The following MON1B variants were observed in gnomAD, a reference collection of about 807,000 sequenced individuals.
MON1B encodes the protein vacuolar fusion protein MON1 homolog B.
A neutral mutation model predicts 45.1 loss-of-function variants in MON1B; 26 were observed. The ratio of observed to expected loss-of-function variants is 0.58; its 90% CI spans 0.42 to 0.80. The LOEUF is 0.80. Ranked by LOEUF, MON1B falls within the 30% of genes least tolerant of loss-of-function variation. The pLI is 0.00. For synonymous variants in MON1B, 395 were observed against 320.2 expected (o/e 1.23, Z -2.49); for missense variants, 737 against 754.5 (o/e 0.98, Z 0.27).
At position 77,194,991 on chromosome 16, in the gene MON1B, G is replaced by T; in HGVS notation, c.1132G>T (p.Gly378Cys). ...RLVEDGMHAL[G>C]AMRALGEAAS... is the part of the protein sequence containing the mutation. ...GGTTGAAGATGGGATGCATGCCCTTGGTGCCATGCGTGCCCTTGGGGAGGC... is the reference window on the plus strand; with the variant it reads ...GGTTGAAGATGGGATGCATGCCCTTTGTGCCATGCGTGCCCTTGGGGAGGC... The change falls in exon 4 of 6, where the codon GGT (glycine) becomes TGT (cysteine). Residue 378 changes from glycine to cysteine, a missense_variant. By Grantham distance (159) the Gly-to-Cys change is radical. Coordinates refer to ENST00000248248, the MANE Select transcript of MON1B (RefSeq NM_014940.4). This position sits in a 1 kb window ranked among gnomAD's most constrained non-coding sequence, Gnocchi z 8.1. The T allele has an allele frequency of 6.2e-7, 1 of 1,613,642 alleles. No homozygotes were observed. Among genetic ancestry groups the T allele is most frequent in the Non-Finnish European group, 8.5e-7 (1 of 1,179,872 alleles).
chr16:77,192,377 A>G (rs1214866295), intron 2 of MON1B, among the ~76,000 whole-genome samples: 13 of 152,218 alleles, frequency 8.5e-5, no homozygotes. Flanking sequence ...AGAATATGCA[A>G]TTATTGGGAT....
Position 77,201,245 on chromosome 16 carries a change from A to G in MON1B, c.*2937A>G, listed in dbSNP as rs929896777. The G allele has an allele frequency of 6.6e-6, 1 of 152,222 alleles. No individual in the cohort carries two copies. Among genetic ancestry groups the G allele is most frequent in the African/African-American group, 2.4e-5 (1 of 41,458 alleles). The allele number at this position is 152,222 out of a possible 1,614,324, so 9.4% of individuals were successfully genotyped here. ...CATACTAAGTGCCAGCATTCAACAA[A>G]AGACAGACGGAAATAAGACAGATGC... On this transcript the variant is annotated 3_prime_UTR_variant, in exon 6 of 6. Coordinates refer to ENST00000248248, the MANE Select transcript of MON1B (RefSeq NM_014940.4).
chr16:77,195,026 C>T lies in MON1B; in HGVS notation c.1167C>T (p.Phe389=), dbSNP rs776648131. 4 of 1,612,514 alleles carry T rather than the reference C, an allele frequency of 2.5e-6. No individual in the cohort carries two copies. Among genetic ancestry groups the T allele is most frequent in the Middle Eastern group, 1.6e-4 (1 of 6,084 alleles). The change falls in exon 4 of 6, where the codon TTC becomes TTT. Residue 389 remains phenylalanine, a synonymous_variant. Transcript: ENST00000248248. ...GTGCCCTTGGGGAGGCTGCCAGCTTCTCTAATGCCTCATCAGCCAGTGCTC... is the reference window on the plus strand; with the variant it reads ...GTGCCCTTGGGGAGGCTGCCAGCTTTTCTAATGCCTCATCAGCCAGTGCTC... ...AMRALGEAAS[F]SNASSASAPA...
rs1597374789 is a variant in MON1B, at chr16:77,193,269, G to C, written c.149-182G>C. ...GAAGTTCATTGGAACCTAAATGTTA[G>C]TGGAGATCATTGCGGGGTCCTAGGG... On this transcript the variant is annotated intron_variant, in intron 2 of 5. Transcript: ENST00000248248. The surrounding 1 kb of genome is among the most constrained non-coding windows in gnomAD (Gnocchi z 5.0). 6.6e-6 allele frequency among the ~76,000 whole-genome samples: 1 copy of C among 152,132 alleles called. No individual in the cohort carries two copies. Among genetic ancestry groups the C allele is most frequent in the African/African-American group, 2.4e-5 (1 of 41,412 alleles).
At position 77,194,933 on chromosome 16, in the gene MON1B, A is replaced by T. The variant is rs747680008; in HGVS notation, c.1074A>T (p.Glu358Asp). ...VCLLLLGTQR[E>D]AFHAMAACRR... ...TGCTGCTGCTTGGCACCCAACGTGAAGCCTTCCATGCCATGGCCGCCTGCC... is the reference window on the plus strand; with the variant it reads ...TGCTGCTGCTTGGCACCCAACGTGATGCCTTCCATGCCATGGCCGCCTGCC... Residue 358 changes from glutamate to aspartate, a missense_variant, in exon 4 of 6, where the codon GAA (glutamate) becomes GAT (aspartate). Physicochemically the swap from Glu to Asp is conservative, Grantham distance 45 (BLOSUM62 2). Coordinates refer to ENST00000248248, the MANE Select transcript of MON1B (RefSeq NM_014940.4). This position sits in a 1 kb window ranked among gnomAD's most constrained non-coding sequence, Gnocchi z 8.1. 14 of 1,613,664 alleles carry T rather than the reference A, an allele frequency of 8.7e-6. No homozygotes were observed. Among genetic ancestry groups the T allele is most frequent in the Non-Finnish European group, 1.2e-5 (14 of 1,179,918 alleles).
In MON1B at chr16:77,201,530, A is replaced by G. The variant is rs1323412746; in HGVS notation, c.*3222A>G. On this transcript the variant is annotated 3_prime_UTR_variant, in exon 6 of 6. Transcript: ENST00000248248. The stretch of plus-strand genomic sequence containing the variant: ...AGGGAAGAGAGCTGACTCAAAGTAA[A>G]GGCTTTGCTAGAGGCAGTCGGCAGA... 3.3e-5 allele frequency: 5 copies of G among 152,200 alleles called. No homozygotes were observed. Among genetic ancestry groups the G allele is most frequent in the Non-Finnish European group, 5.9e-5 (4 of 68,040 alleles). The allele number at this position is 152,200 out of a possible 1,614,324, so 9.4% of individuals were successfully genotyped here. A position where few individuals can be genotyped will look rare whatever the true frequency, so the allele number is the denominator to read the frequency against.
At position 77,195,678 on chromosome 16, in the gene MON1B, C is replaced by A; in HGVS notation, c.1439C>A (p.Ala480Asp). 1 of 1,614,082 alleles carries A rather than the reference C, an allele frequency of 6.2e-7. No homozygotes were observed. Among genetic ancestry groups the A allele is most frequent in the Non-Finnish European group, 8.5e-7 (1 of 1,179,966 alleles). ...GTGGCTGAGAAGGAGACACTACTGG[C>A]CTGGGTAAGTTGGGCAGGGCTCTGA... Reference protein sequence around the residue: ...YHVAEKETLLAWVTSKFELYT... With the variant: ...YHVAEKETLLDWVTSKFELYT... The change falls in exon 5 of 6, where the codon GCC becomes GAC. Residue 480 changes from alanine (A) to aspartate (D), a missense_variant. Coordinates refer to ENST00000248248, the MANE Select transcript of MON1B (RefSeq NM_014940.4).
In MON1B at chr16:77,198,347, C is replaced by A. The variant is rs371690150; in HGVS notation, c.*39C>A. The A allele has an allele frequency of 9.2e-5, 146 of 1,586,840 alleles. 3 individuals carry two copies. The Middle Eastern group carries it at 5.0e-3, about 54-fold the overall frequency. On this transcript the variant is annotated 3_prime_UTR_variant, in exon 6 of 6. Coordinates refer to ENST00000248248, the MANE Select transcript of MON1B (RefSeq NM_014940.4). ...CAGACCAGGCAGTGCTGGGAGCAAC[C>A]ACCTTTGTTTTTTACCTTCTGTCTA...
chr16:77,193,493 C>G lies in MON1B; in HGVS notation c.191C>G (p.Pro64Arg), dbSNP rs560508471. 6.3e-7 allele frequency: 1 copy of G among 1,598,324 alleles called. No individual in the cohort carries two copies. The highest frequency in any genetic ancestry group is 2.2e-5 in the East Asian group (1 of 44,678). ...CAGCCACCCAGCCCATCACCACCGCCCCAGTCAGAGGCCCTGTCAAGCACC... is the reference window on the plus strand; with the variant it reads ...CAGCCACCCAGCCCATCACCACCGCGCCAGTCAGAGGCCCTGTCAAGCACC... ...KDQPPSPSPPPQSEALSSTSR... is the reference protein window; with the variant it reads ...KDQPPSPSPPRQSEALSSTSR... Residue 64 changes from proline (P) to arginine (R), a missense_variant, in exon 3 of 6, where the codon CCC becomes CGC. Pro to Arg is a moderately radical substitution (Grantham distance 103). Transcript: ENST00000248248. This position sits in a 1 kb window ranked among gnomAD's most constrained non-coding sequence, Gnocchi z 5.0.
At position 77,194,465 on chromosome 16, in the gene MON1B, A is replaced by C. The variant is rs2054643576; in HGVS notation, c.606A>C (p.Thr202=). The change falls in exon 4 of 6, where the codon ACA becomes ACC. Residue 202 remains threonine (T), a synonymous_variant. Transcript: ENST00000248248. This position sits in a 1 kb window ranked among gnomAD's most constrained non-coding sequence, Gnocchi z 8.1. Reference sequence around the variant, plus strand: ...ACGCACAGATCGTGAGCACACTTACACGTGCAAGTGTCGCCCGCATCTTCG... The same window carrying C: ...ACGCACAGATCGTGAGCACACTTACCCGTGCAAGTGTCGCCCGCATCTTCG... ...AVHAQIVSTL[T]RASVARIFAH... is the part of the protein sequence containing the mutation. 6.2e-7 allele frequency: 1 copy of C among 1,614,046 alleles called. No homozygotes were observed. The highest frequency in any genetic ancestry group is 8.5e-7 in the Non-Finnish European group (1 of 1,179,994).
intron 5 of MON1B, among the ~76,000 whole-genome samples, chr16:77,197,117 T>C (rs1043050786): frequency 1.6e-4 from 24 of 152,160 alleles, no homozygotes; most frequent in African/African-American, 5.6e-4. Flanking sequence ...CTCACGCCTA[T>C]AATCCCAGCA....
Position 77,200,256 on chromosome 16 carries a change from G to GTGTATA in MON1B, c.*1949_*1950insGTATAT, listed in dbSNP as rs1555502396. 2.4e-5 allele frequency: 2 copies of GTGTATA among 83,616 alleles called. No individual in the cohort carries two copies. Among genetic ancestry groups the GTGTATA allele is most frequent in the Non-Finnish European group, 2.8e-5 (1 of 35,392 alleles). The allele number at this position is 83,616 out of a possible 1,614,324, so 5.2% of individuals were successfully genotyped here. ...TGTATATATATATATATGTATATGT[G>GTGTATA]TATATATATATATATGTGTATATAT... On this transcript the variant is annotated 3_prime_UTR_variant, in exon 6 of 6. Coordinates refer to ENST00000248248, the MANE Select transcript of MON1B (RefSeq NM_014940.4).
rs2054745674 is a variant in MON1B, at chr16:77,201,751, T to C, written c.*3443T>C. ...GGAGTGTCTCTGTGGTGGATTTCTT[T>C]TTAAGAGGCAGAAAAAAATTCTAAT... On this transcript the variant is annotated 3_prime_UTR_variant, in exon 6 of 6. Transcript: ENST00000248248. 2 of 152,156 alleles carry C rather than the reference T, an allele frequency of 1.3e-5. No homozygotes were observed. The allele number at this position is 152,156 out of a possible 1,614,324, so 9.4% of individuals were successfully genotyped here. A position where few individuals can be genotyped will look rare whatever the true frequency, so the allele number is the denominator to read the frequency against.
Position 77,199,554 on chromosome 16 carries a change from G to A in MON1B, c.*1246G>A. On this transcript the variant is annotated 3_prime_UTR_variant, in exon 6 of 6. Transcript: ENST00000248248. ...GGCTGCACTCCTTTCTCTCCAACCA[G>A]GGCAGAAAGGAGGGAGGATTCGTCC... 1 of 1,440,438 alleles carries A rather than the reference G, an allele frequency of 6.9e-7. No individual in the cohort carries two copies. The highest frequency in any genetic ancestry group is 1.4e-5 in the African/African-American group (1 of 70,458). The allele number at this position is 1,440,438 out of a possible 1,614,324, so 89.2% of individuals were successfully genotyped here. A position where few individuals can be genotyped will look rare whatever the true frequency, so the allele number is the denominator to read the frequency against.
At position 77,193,794 on chromosome 16, in the gene MON1B, G is replaced by C; in HGVS notation, c.475+17G>C. The C allele has an allele frequency of 6.3e-7, 1 of 1,596,598 alleles. No homozygotes were observed. Among genetic ancestry groups the C allele is most frequent in the Non-Finnish European group, 8.6e-7 (1 of 1,169,164 alleles). ...TCTACGCTGGTGAGCAAACAGGTGG[G>C]AGGCAGAATGGGGGACAGTGACTGG... On this transcript the variant is annotated intron_variant, in intron 3 of 5. Transcript: ENST00000248248. This position sits in a 1 kb window ranked among gnomAD's most constrained non-coding sequence, Gnocchi z 5.0.
chr16:77,196,390 T>TAA (rs1429070776), intron 5 of MON1B, among the ~76,000 whole-genome samples: 4 of 152,212 alleles, frequency 2.6e-5, no homozygotes, highest in Non-Finnish European at 5.9e-5. Context: ...TAAAGAGTTA[T>TAA]AAAGGGCGTG....
chr16:77,192,054 G>C (rs772331925), intron 2 of MON1B, among the ~76,000 whole-genome samples: 17 of 152,142 alleles, frequency 1.1e-4, no homozygotes, highest in Non-Finnish European at 5.9e-5. Flanking sequence ...AGTGGAGTTC[G>C]ATGGGCACTC....
rs1235787791 is a variant in MON1B, at chr16:77,200,805, C to T, written c.*2497C>T. 2.0e-5 allele frequency: 3 copies of T among 150,670 alleles called. No homozygotes were observed. The highest frequency in any genetic ancestry group is 7.3e-5 in the African/African-American group (3 of 40,956). The allele number at this position is 150,670 out of a possible 1,614,324, so 9.3% of individuals were successfully genotyped here. A position where few individuals can be genotyped will look rare whatever the true frequency, so the allele number is the denominator to read the frequency against. ...AAAAAAATCTCCCAAGGCAGTCATGCATTTGTATGCCACTAGCATTTTTTT... is the reference window on the plus strand; with the variant it reads ...AAAAAAATCTCCCAAGGCAGTCATGTATTTGTATGCCACTAGCATTTTTTT... On this transcript the variant is annotated 3_prime_UTR_variant, in exon 6 of 6. Coordinates refer to ENST00000248248, the MANE Select transcript of MON1B (RefSeq NM_014940.4).
chr16:77,194,734 A>T lies in MON1B; in HGVS notation c.875A>T (p.Asn292Ile). ...CTTATAACAGCAGCCCAGGAGCGAA[A>T]TGTGCTGGCCGAGTGCCGGCTGGAC... ...GRLITAAQER[N>I]VLAECRLDPA... The change falls in exon 4 of 6, where the codon AAT becomes ATT. Residue 292 changes from asparagine to isoleucine, a missense_variant. By Grantham distance (149) the Asn-to-Ile change is moderately radical (BLOSUM62 -3). Coordinates refer to ENST00000248248, the MANE Select transcript of MON1B (RefSeq NM_014940.4). The surrounding 1 kb of genome is among the most constrained non-coding windows in gnomAD (Gnocchi z 8.1). The T allele has an allele frequency of 6.2e-7, 1 of 1,613,822 alleles. No individual in the cohort carries two copies. The highest frequency in any genetic ancestry group is 2.2e-5 in the East Asian group (1 of 44,844).
Sources: allele counts gnomAD v4.1 joint callset (sites outside exome capture counted in the v4.1 genomes callset), GRCh38; gene constraint gnomAD v4.1.1; non-coding constraint Gnocchi (gnomAD v3.1); transcripts MANE v1.5; gene names NCBI Gene and HGNC (gene_info 2026-07-23, HGNC 2026-07-21).